Variants in LRRTM4 observed in about 807,000 individuals in gnomAD.
LRRTM4 encodes leucine-rich repeat transmembrane neuronal protein 4.
Under a neutral mutation model 47.6 loss-of-function variants are expected in LRRTM4, and 25 were observed. The observed-to-expected ratio is 0.53, with a 90% confidence interval of 0.38 to 0.73. The LOEUF is 0.73. Among genes scored for constraint, LRRTM4 ranks in the 30% least tolerant of loss-of-function variants. The probability of loss-of-function intolerance (pLI) is 0.00; values close to 1 mark genes in which losing one functional copy is unlikely to be tolerated. For missense variants in LRRTM4, 638 were observed against 713.4 expected (o/e 0.89, Z 1.20); for synonymous variants, 311 against 269.5 (o/e 1.15, Z -1.51).
chr2:76,800,672 C>A (rs1271540973), intron 3 of LRRTM4, among the ~76,000 whole-genome samples: 4 of 124,856 alleles, frequency 3.2e-5, no homozygotes, highest in African/African-American at 9.5e-5. Flanking sequence ...AGGCAACCTA[C>A]AAAATGGGAG....
intron 3 of LRRTM4, among the ~76,000 whole-genome samples, chr2:76,977,976 G>A (rs1328894815): frequency 6.6e-6 from 1 of 151,976 alleles, no homozygotes; most frequent in African/African-American, 2.4e-5. Flanking sequence ...TGATAGCACT[G>A]GAGTTGAAAA....
intron 3 of LRRTM4, among the ~76,000 whole-genome samples, chr2:77,268,767 C>T (rs1226476701): frequency 3.5e-4 from 53 of 152,100 alleles, no homozygotes; most frequent in Admixed American, 3.3e-3. Flanking sequence ...CTGAATCACT[C>T]GTATCCATAG....
chr2:77,225,011 A>G (rs1674762095), intron 3 of LRRTM4, among the ~76,000 whole-genome samples: 3 of 152,114 alleles, frequency 2.0e-5, no homozygotes, highest in African/African-American at 7.2e-5. Flanking sequence ...TGGCACATCT[A>G]CACCATGGAA....
chr2:76,993,851 A>T (rs1240290156), intron 3 of LRRTM4, among the ~76,000 whole-genome samples: 3 of 152,040 alleles, frequency 2.0e-5, no homozygotes, highest in Non-Finnish European at 2.9e-5. Flanking sequence ...TATGAAATCA[A>T]CCTAGGTGTC....
At chr2:77,416,087 G>C (rs1674625609) in intron 3 of LRRTM4, among the ~76,000 whole-genome samples, 1 of 152,082 alleles carries the variant, frequency 6.6e-6, no homozygotes, top group Non-Finnish European at 1.5e-5. Flanking sequence ...CACAGTTCAT[G>C]TCACATCTCT....
chr2:77,245,845 T>C (rs556770573), intron 3 of LRRTM4, among the ~76,000 whole-genome samples: 2 of 152,322 alleles, frequency 1.3e-5, no homozygotes, highest in Admixed American at 6.5e-5. Flanking sequence ...AGATGGTTAT[T>C]CTCACTCCAG....
intron 3 of LRRTM4, among the ~76,000 whole-genome samples, chr2:76,920,686 C>T (rs1367591584): frequency 2.0e-5 from 3 of 152,028 alleles, no homozygotes; most frequent in African/African-American, 4.8e-5. Context: ...CAGAATAATG[C>T]TACAGCAGTA....
intron 3 of LRRTM4, among the ~76,000 whole-genome samples, chr2:77,375,708 A>G (rs1168683709): frequency 1.3e-5 from 2 of 151,732 alleles, no homozygotes; most frequent in Non-Finnish European, 2.9e-5. Context: ...TCTCTGGCCT[A>G]TAACATCCAG....
chr2:77,426,525 G>C (rs938938413), intron 3 of LRRTM4, among the ~76,000 whole-genome samples: 1 of 152,018 alleles, frequency 6.6e-6, no homozygotes, highest in African/African-American at 2.4e-5. Context: ...ACCTCATCTT[G>C]AATTGTAGTT....
intron 3 of LRRTM4, among the ~76,000 whole-genome samples, chr2:77,303,672 T>A (rs1392008505): frequency 6.6e-6 from 1 of 152,204 alleles, no homozygotes. Flanking sequence ...TGATATCAAC[T>A]TTTTTAGATT....
At chr2:77,129,087 C>G (rs926932644) in intron 3 of LRRTM4, among the ~76,000 whole-genome samples, 1 of 152,134 alleles carries the variant, frequency 6.6e-6, no homozygotes, top group Non-Finnish European at 1.5e-5. Flanking sequence ...TCTCCTTTGT[C>G]TTTTGGAGTC....
chr2:77,294,336 T>C (rs374781893), intron 3 of LRRTM4, among the ~76,000 whole-genome samples: 9 of 152,238 alleles, frequency 5.9e-5, no homozygotes, highest in Admixed American at 4.6e-4. Context: ...TTATCAAATA[T>C]AGATATTTTT....
chr2:77,033,513 C>T (rs189615343), intron 3 of LRRTM4, among the ~76,000 whole-genome samples: 13 of 151,906 alleles, frequency 8.6e-5, no homozygotes, highest in African/African-American at 3.1e-4. Context: ...TCACCATTCC[C>T]TGTGTACCGA....
rs553058659 is a variant in LRRTM4, at chr2:76,909,497, A to C, written c.1552-160581T>G. 4.1e-3 allele frequency among the ~76,000 whole-genome samples: 625 copies of C among 152,124 alleles called. 1 individual carries two copies. The highest frequency in any genetic ancestry group is 0.015 in the African/African-American group (606 of 41,442). ...ACAAAAGACAAAATTGACAAATGGG[A>C]TCTCATTAAACTAAAGAGCTTCTGC... On this transcript the variant is annotated intron_variant, in intron 3 of 3. Transcript: ENST00000409884.
chr2:77,277,414 T>C (rs1315512139), intron 3 of LRRTM4, among the ~76,000 whole-genome samples: 2 of 152,048 alleles, frequency 1.3e-5, no homozygotes, highest in African/African-American at 2.4e-5. Flanking sequence ...ATTTATACTA[T>C]AGAGTTATAA....
intron 3 of LRRTM4, among the ~76,000 whole-genome samples, chr2:77,423,106 A>T (rs776491485): frequency 5.3e-5 from 8 of 152,064 alleles, no homozygotes; most frequent in African/African-American, 9.7e-5. Flanking sequence ...ATTTTTTAGC[A>T]CTATTCATTT....
intron 3 of LRRTM4, among the ~76,000 whole-genome samples, chr2:77,415,449 T>C (rs893806489): frequency 3.9e-5 from 6 of 152,174 alleles, no homozygotes; most frequent in African/African-American, 1.2e-4. Context: ...GATTTCTTAC[T>C]GAACTCGAAA....
intron 3 of LRRTM4, among the ~76,000 whole-genome samples, chr2:77,370,925 C>T (rs1353613864): frequency 6.6e-6 from 1 of 151,600 alleles, no homozygotes; most frequent in East Asian, 1.9e-4. Context: ...TAGTTTCATG[C>T]CATAGGCCCC....
intron 3 of LRRTM4, among the ~76,000 whole-genome samples, chr2:77,141,220 C>A (rs1358951265): frequency 6.6e-6 from 1 of 152,146 alleles, no homozygotes; most frequent in Non-Finnish European, 1.5e-5. Flanking sequence ...TTGTAACCAA[C>A]CCAAATGTCC....
Sources: gnomAD v4.1 joint callset for allele counts (sites outside exome capture counted in the v4.1 genomes callset) on GRCh38, gnomAD v4.1.1 for gene constraint, MANE v1.5 for transcripts, NCBI Gene and HGNC (gene_info 2026-07-23, HGNC 2026-07-21) for gene names.